The following MVB12B variants were observed in gnomAD, a reference collection of about 807,000 sequenced individuals.
MVB12B encodes the protein ESCRT-I complex subunit MVB12B.
MVB12B carries 16 observed loss-of-function variants against 41.6 expected under a neutral mutation model. The observed-to-expected ratio is 0.38, with a 90% CI of 0.26 to 0.58. MVB12B has a LOEUF of 0.58. Ranked by LOEUF, MVB12B falls within the 20% of genes least tolerant of loss-of-function variation. The pLI, the probability that MVB12B is intolerant of heterozygous loss-of-function variation, is 0.62. For synonymous variants in MVB12B, 133 were observed against 139.7 expected, an observed-to-expected ratio of 0.95 and a Z score of 0.34; for missense variants, 274 against 380.2, an observed-to-expected ratio of 0.72 and a Z score of 2.32.
rs576429951 is a variant in MVB12B, at chr9:126,391,758, T to C, written c.410-308T>C. ...AATGTGTTAATGCTCAGGGCGTCAG[T>C]GTGCAGGTTTCTGATGGCTGAGCAG... On this transcript the variant is annotated intron_variant, in intron 4 of 9. Transcript: ENST00000361171. This position sits in a 1 kb window ranked among gnomAD's most constrained non-coding sequence, Gnocchi z 4.4. Among the ~76,000 whole-genome samples the C allele has an allele frequency of 2.7e-4, 41 of 152,320 alleles. No homozygotes were observed. The highest frequency in any genetic ancestry group is 9.8e-4 in the Admixed American group (15 of 15,306).
At chr9:126,461,499 T>C (rs1028101545) in intron 7 of MVB12B, among the ~76,000 whole-genome samples, 1 of 152,184 alleles carries the variant, frequency 6.6e-6, no homozygotes, top group African/African-American at 2.4e-5. Flanking sequence ...TAAGGGAACA[T>C]CTTTTCTACT....
At chr9:126,387,165 C>G (rs1830820278) in intron 4 of MVB12B, among the ~76,000 whole-genome samples, 1 of 152,050 alleles carries the variant, frequency 6.6e-6, no homozygotes, top group South Asian at 2.1e-4. Flanking sequence ...CTGAGCAGGT[C>G]CAAGCAGAAG....
At chr9:126,439,297 C>T (rs1441693267) in intron 7 of MVB12B, among the ~76,000 whole-genome samples, 5 of 149,836 alleles carry the variant, frequency 3.3e-5, no homozygotes, top group Non-Finnish European at 7.4e-5. Flanking sequence ...GCAGGGAGCT[C>T]ACAGGGTCTG....
chr9:126,474,716 T>C (rs1250885029), intron 7 of MVB12B, among the ~76,000 whole-genome samples: 2 of 152,252 alleles, frequency 1.3e-5, no homozygotes, highest in African/African-American at 4.8e-5. Flanking sequence ...TCTCATGTGC[T>C]GGACACCATA....
intron 6 of MVB12B, among the ~76,000 whole-genome samples, chr9:126,407,743 G>T (rs1024892770): frequency 5.9e-5 from 9 of 152,090 alleles, no homozygotes; most frequent in African/African-American, 1.7e-4. Flanking sequence ...ACCAAAGACC[G>T]TGTTGTAAAT....
intron 9 of MVB12B, among the ~76,000 whole-genome samples, chr9:126,501,150 TGGTTGGCGAGCAGGAAA>T (rs1463811016): frequency 6.6e-6 from 1 of 152,160 alleles, no homozygotes; most frequent in African/African-American, 2.4e-5. Context: ...CTGTGCCTGG[TGGTTGGCGAGCAGGAAA>T]GTGAGAGGGC....
At chr9:126,470,259 A>G (rs928762771) in intron 7 of MVB12B, among the ~76,000 whole-genome samples, 1 of 152,204 alleles carries the variant, frequency 6.6e-6, no homozygotes, top group East Asian at 1.9e-4. Context: ...GGAGTAACTC[A>G]TTGGGTCCCC....
intron 9 of MVB12B, among the ~76,000 whole-genome samples, chr9:126,488,829 T>A (rs1833674409): frequency 6.6e-6 from 1 of 152,182 alleles, no homozygotes; most frequent in South Asian, 2.1e-4. Context: ...TGAGGGATGT[T>A]TCTGAATCGA....
chr9:126,500,031 G>A (rs1833921399), intron 9 of MVB12B, among the ~76,000 whole-genome samples: 1 of 152,184 alleles, frequency 6.6e-6, no homozygotes, highest in Non-Finnish European at 1.5e-5. Context: ...GCGTGGAAGC[G>A]TCCTGCTCCC....
chr9:126,489,974 G>T (rs982185732), intron 9 of MVB12B, among the ~76,000 whole-genome samples: 2 of 152,192 alleles, frequency 1.3e-5, no homozygotes, highest in Non-Finnish European at 2.9e-5. Context: ...GGGTGACCCG[G>T]TGGGGCTGTT....
intron 2 of MVB12B, among the ~76,000 whole-genome samples, chr9:126,366,882 C>T (rs1437846042): frequency 6.6e-6 from 1 of 152,188 alleles, no homozygotes; most frequent in Non-Finnish European, 1.5e-5. Context: ...CTGGACAAGC[C>T]CACAAATCGT....
At chr9:126,365,725 A>G (rs1830161289) in intron 2 of MVB12B, among the ~76,000 whole-genome samples, 2 of 152,184 alleles carry the variant, frequency 1.3e-5, no homozygotes. Context: ...CATTTTATAA[A>G]TCCACTTTCC....
intron 1 of MVB12B, among the ~76,000 whole-genome samples, chr9:126,338,595 C>A (rs1241626928): frequency 2.7e-5 from 4 of 150,434 alleles, no homozygotes; most frequent in Non-Finnish European, 5.9e-5. Flanking sequence ...AAAAAACTTA[C>A]CTCACATGTT....
Position 126,481,438 on chromosome 9 carries a change from A to C in MVB12B, c.813+14A>C. 1 of 1,606,614 alleles carries C rather than the reference A, an allele frequency of 6.2e-7. No individual in the cohort carries two copies. The highest frequency in any genetic ancestry group is 8.5e-7 in the Non-Finnish European group (1 of 1,173,248). On this transcript the variant is annotated intron_variant, in intron 8 of 9. Coordinates refer to ENST00000361171, the MANE Select transcript of MVB12B (RefSeq NM_033446.3). Reference sequence around the variant, plus strand: ...GTTCCAGAAAGTGTAAGTTTTATGCATGATCGCCCTTCCCCTCTGCCACCC... The same window carrying C: ...GTTCCAGAAAGTGTAAGTTTTATGCCTGATCGCCCTTCCCCTCTGCCACCC...
chr9:126,479,741 C>T (rs906570458), intron 7 of MVB12B, among the ~76,000 whole-genome samples: 1 of 152,190 alleles, frequency 6.6e-6, no homozygotes, highest in Admixed American at 6.5e-5. Flanking sequence ...GAGGAGGGCG[C>T]GGGGAATGCA....
intron 7 of MVB12B, among the ~76,000 whole-genome samples, chr9:126,443,442 G>A (rs1054472350): frequency 6.6e-6 from 1 of 152,122 alleles, no homozygotes; most frequent in South Asian, 2.1e-4. Flanking sequence ...TAAAAAGTTT[G>A]TTCCTAGACC....
At position 126,480,856 on chromosome 9, in the gene MVB12B, A is replaced by T. The variant is rs1833510103; in HGVS notation, c.758-513A>T. 1 of 153,444 alleles carries T rather than the reference A, an allele frequency of 6.5e-6. No homozygotes were observed. Among genetic ancestry groups the T allele is most frequent in the Non-Finnish European group, 1.5e-5 (1 of 68,918 alleles). 9.5% of individuals were successfully genotyped at this position (153,444 alleles called of 1,614,324 possible). A position where few individuals can be genotyped will look rare whatever the true frequency, so the allele number is the denominator to read the frequency against. On this transcript the variant is annotated intron_variant, in intron 7 of 9. Coordinates refer to ENST00000361171, the MANE Select transcript of MVB12B (RefSeq NM_033446.3). This position sits in a 1 kb window ranked among gnomAD's most constrained non-coding sequence, Gnocchi z 4.9. ...CTTTCAACTTCAGTTGCTCATCTGC[A>T]GTCACCAGCTGGGATTTGAACCCAG...
In MVB12B at chr9:126,486,957, C is replaced by T. The variant is rs115588851; in HGVS notation, c.873+2925C>T. On this transcript the variant is annotated intron_variant, in intron 9 of 9. Transcript: ENST00000361171. This position sits in a 1 kb window ranked among gnomAD's most constrained non-coding sequence, Gnocchi z 4.7. ...GACGGTCCCAGTGTGGGGTCCAGGG[C>T]GGGTGGTGGGAACCCTGCAAACCTT... Among the ~76,000 whole-genome samples, 749 of 152,090 alleles carry T rather than the reference C, an allele frequency of 4.9e-3. 7 individuals are homozygous for T. Among genetic ancestry groups the T allele is most frequent in the African/African-American group, 0.017 (723 of 41,496 alleles).
At chr9:126,457,616 G>A (rs1833009347) in intron 7 of MVB12B, among the ~76,000 whole-genome samples, 1 of 152,158 alleles carries the variant, frequency 6.6e-6, no homozygotes, top group South Asian at 2.1e-4. Flanking sequence ...TGGAGTCTCA[G>A]GTCCCAGAGA....
Sources: gnomAD v4.1 joint callset for allele counts (sites outside exome capture counted in the v4.1 genomes callset) on GRCh38, gnomAD v4.1.1 for gene constraint, Gnocchi (gnomAD v3.1) non-coding constraint, MANE v1.5 for transcripts, NCBI Gene and HGNC (gene_info 2026-07-23, HGNC 2026-07-21) for gene names.